Variants in OXR1 observed in about 807,000 individuals in gnomAD.
OXR1 encodes oxidation resistance 1, also known as oxidation resistance protein 1.
In OXR1, 41 loss-of-function variants were observed where a neutral mutation model predicts 104.6. That is an observed-to-expected ratio of 0.39 (90% CI 0.31 to 0.51). The LOEUF (loss-of-function observed/expected upper bound fraction) is 0.51, where lower values mean the gene tolerates loss of function less well. OXR1 is among the 20% of genes least tolerant of loss of function. The pLI is 0.77. For missense variants in OXR1, 955 were observed against 1,031.9 expected (o/e 0.93, Z 1.02); for synonymous variants, 348 against 348.4 (o/e 1.00, Z 0.01).
intron 1 of OXR1, among the ~76,000 whole-genome samples, chr8:106,335,984 T>C (rs1586537934): frequency 1.3e-5 from 2 of 152,190 alleles, no homozygotes; most frequent in Non-Finnish European, 1.5e-5. Context: ...TAAGCCCAGC[T>C]ACTTGGGAGG....
intron 3 of OXR1, among the ~76,000 whole-genome samples, chr8:106,624,863 T>A (rs1822015620): frequency 6.6e-6 from 1 of 152,094 alleles, no homozygotes; most frequent in African/African-American, 2.4e-5. Flanking sequence ...CAATCATGGC[T>A]CACTGCAGCC....
chr8:106,551,904 T>TTA (rs1253510148), intron 3 of OXR1, among the ~76,000 whole-genome samples: 40 of 101,228 alleles, frequency 4.0e-4, no homozygotes, highest in Non-Finnish European at 7.5e-4. Flanking sequence ...GTGTGTGTAT[T>TTA]TATATATATA....
At chr8:106,703,133 A>G in intron 8 of OXR1, 43 bp downstream of exon 8, 1 of 1,338,488 alleles carries the variant, frequency 7.5e-7, no homozygotes, top group African/African-American at 1.4e-5. Flanking sequence ...TATTGTATCT[A>G]GATAGTTGAC....
chr8:106,328,691 G>T (rs1814582625), intron 1 of OXR1, among the ~76,000 whole-genome samples: 1 of 152,112 alleles, frequency 6.6e-6, no homozygotes, highest in African/African-American at 2.4e-5. Flanking sequence ...TAAAAGGCAA[G>T]AAAGTAATAA....
intron 1 of OXR1, among the ~76,000 whole-genome samples, chr8:106,347,137 A>C (rs1175068321): frequency 6.6e-6 from 1 of 152,252 alleles, no homozygotes; most frequent in East Asian, 1.9e-4. Context: ...CTTTTAGAGA[A>C]TAGGCAATTC....
intron 2 of OXR1, among the ~76,000 whole-genome samples, chr8:106,427,281 C>A (rs1432625848): frequency 6.6e-6 from 1 of 152,112 alleles, no homozygotes; most frequent in African/African-American, 2.4e-5. Context: ...ATTCTCCTGC[C>A]TCAGCCTCCC....
chr8:106,435,008 G>A (rs1156481776), intron 2 of OXR1, among the ~76,000 whole-genome samples: 1 of 152,112 alleles, frequency 6.6e-6, no homozygotes, highest in Non-Finnish European at 1.5e-5. Context: ...AATGGGTAGG[G>A]GTGGGGAGGA....
intron 1 of OXR1, among the ~76,000 whole-genome samples, chr8:106,274,855 G>A (rs949868190): frequency 4.6e-5 from 7 of 152,178 alleles, no homozygotes; most frequent in Admixed American, 3.3e-4. Context: ...GATGACTTCA[G>A]TGTAAGCAAC....
At chr8:106,426,487 G>C (rs1313071289) in intron 2 of OXR1, among the ~76,000 whole-genome samples, 2 of 152,258 alleles carry the variant, frequency 1.3e-5, no homozygotes, top group East Asian at 3.9e-4. Flanking sequence ...AAAAGCTTCA[G>C]TGTGGTCTTA....
chr8:106,349,130 A>G (rs1287023266), intron 1 of OXR1, among the ~76,000 whole-genome samples: 3 of 152,146 alleles, frequency 2.0e-5, no homozygotes, highest in African/African-American at 7.2e-5. Context: ...TCCCCATCAA[A>G]CACTGAAGAT....
At chr8:106,426,553 A>C (rs1353488628) in intron 2 of OXR1, among the ~76,000 whole-genome samples, 1 of 152,106 alleles carries the variant, frequency 6.6e-6, no homozygotes, top group Non-Finnish European at 1.5e-5. Flanking sequence ...GTAATTTCTG[A>C]CTTCATTCTG....
intron 3 of OXR1, among the ~76,000 whole-genome samples, chr8:106,629,493 G>T (rs953760439): frequency 6.6e-6 from 1 of 152,018 alleles, no homozygotes; most frequent in Admixed American, 6.6e-5. Context: ...TGAAGAATTT[G>T]GTAAAAATAG....
At chr8:106,281,357 C>G (rs933584034) in intron 1 of OXR1, among the ~76,000 whole-genome samples, 2 of 152,138 alleles carry the variant, frequency 1.3e-5, no homozygotes, top group Admixed American at 6.5e-5. Context: ...ATGGATTCCA[C>G]AGAATAGAAT....
intron 2 of OXR1, among the ~76,000 whole-genome samples, chr8:106,474,432 G>A (rs1316243974): frequency 1.3e-5 from 2 of 151,746 alleles, no homozygotes; most frequent in Non-Finnish European, 2.9e-5. Flanking sequence ...TCTCAAGAAG[G>A]TATGTCAAGG....
chr8:106,310,233 T>TG (rs763907648), intron 1 of OXR1, among the ~76,000 whole-genome samples: 1 of 95,902 alleles, frequency 1.0e-5, no homozygotes, highest in Non-Finnish European at 2.0e-5. Flanking sequence ...CTGTGACCTT[T>TG]TTTTTTTTTT....
intron 3 of OXR1, among the ~76,000 whole-genome samples, chr8:106,523,991 T>G (rs551578893): frequency 6.6e-6 from 1 of 152,238 alleles, no homozygotes; most frequent in African/African-American, 2.4e-5. Context: ...TTAGCCAGGA[T>G]GATCTCGATC....
chr8:106,426,666 G>T (rs1164824483), intron 2 of OXR1, among the ~76,000 whole-genome samples: 1 of 152,076 alleles, frequency 6.6e-6, no homozygotes. Flanking sequence ...GTGTGACCTA[G>T]GGCAAGTTTT....
chr8:106,328,740 A>G (rs1165494507), intron 1 of OXR1, among the ~76,000 whole-genome samples: 1 of 152,238 alleles, frequency 6.6e-6, no homozygotes, highest in African/African-American at 2.4e-5. Flanking sequence ...GTAACATAAC[A>G]AGATCACCAC....
chr8:106,432,399 C>T (rs895072888), intron 2 of OXR1, among the ~76,000 whole-genome samples: 1 of 152,188 alleles, frequency 6.6e-6, no homozygotes, highest in African/African-American at 2.4e-5. Flanking sequence ...CCCTCCTGTT[C>T]CTGCCGTGCT....
Sources: allele counts gnomAD v4.1 joint callset (sites outside exome capture counted in the v4.1 genomes callset), GRCh38; gene constraint gnomAD v4.1.1; transcripts MANE v1.5; gene names NCBI Gene and HGNC (gene_info 2026-07-23, HGNC 2026-07-21).